Variants in PTPN4 observed in about 807,000 individuals in gnomAD.
PTPN4 encodes tyrosine-protein phosphatase non-receptor type 4.
PTPN4 carries 49 observed loss-of-function variants against 135.5 expected under a neutral mutation model. The observed-to-expected ratio is 0.36, with a 90% CI of 0.29 to 0.46. The LOEUF (loss-of-function observed/expected upper bound fraction) is 0.46, where lower values mean the gene tolerates loss of function less well. Among genes scored for constraint, PTPN4 ranks in the 20% least tolerant of loss-of-function variants. The pLI, the probability that PTPN4 is intolerant of heterozygous loss-of-function variation, is 1.00. For missense variants in PTPN4, 860 were observed against 1,101.0 expected (o/e 0.78, Z 3.10); for synonymous variants, 333 against 369.9 (o/e 0.90, Z 1.14).
chr2:119,920,647 T>G (rs1365249286), intron 12 of PTPN4, among the ~76,000 whole-genome samples: 1 of 152,240 alleles, frequency 6.6e-6, no homozygotes, highest in African/African-American at 2.4e-5. Context: ...AGCATATTTT[T>G]GGGTTGTCAA....
At chr2:119,960,314 A>G (rs1300318506) in intron 22 of PTPN4, among the ~76,000 whole-genome samples, 2 of 152,246 alleles carry the variant, frequency 1.3e-5, no homozygotes, top group African/African-American at 4.8e-5. Flanking sequence ...TGAATTTAAA[A>G]TATTCTGATA....
chr2:119,931,276 C>T (rs1220313033), intron 13 of PTPN4, among the ~76,000 whole-genome samples: 1 of 151,928 alleles, frequency 6.6e-6, no homozygotes, highest in African/African-American at 2.4e-5. Flanking sequence ...AAAGAAATAA[C>T]ATATATTTTC....
At chr2:119,902,332 C>A (rs1447806837) in intron 10 of PTPN4, among the ~76,000 whole-genome samples, 1 of 152,146 alleles carries the variant, frequency 6.6e-6, no homozygotes, top group Non-Finnish European at 1.5e-5. Context: ...GCAAAGTTAT[C>A]CTTCAGAAGT....
At position 119,868,906 on chromosome 2, in the gene PTPN4, T is replaced by A. The variant is rs140886365; in HGVS notation, c.246+6263T>A. ...TCACACCTCTATATTTCTGTGTGTG[T>A]GTCTTTAATTCCTCTAGCACCACTG... On this transcript the variant is annotated intron_variant, in intron 3 of 26. Transcript: ENST00000263708. Among the ~76,000 whole-genome samples, 809 of 152,302 alleles carry A rather than the reference T, an allele frequency of 5.3e-3. 5 individuals carry two copies. Among genetic ancestry groups the A allele is most frequent in the Admixed American group, 6.7e-3 (102 of 15,296 alleles).
chr2:119,845,577 A>G (rs536803628), intron 2 of PTPN4, among the ~76,000 whole-genome samples: 4 of 151,704 alleles, frequency 2.6e-5, no homozygotes, highest in African/African-American at 9.7e-5. Flanking sequence ...ACCTTCTTTT[A>G]TTCCTGGTTT....
intron 2 of PTPN4, among the ~76,000 whole-genome samples, chr2:119,840,735 A>C (rs1677367629): frequency 1.3e-5 from 2 of 152,160 alleles, no homozygotes; most frequent in Non-Finnish European, 2.9e-5. Flanking sequence ...CTTTTTCTCC[A>C]CAACCTCACC....
intron 1 of PTPN4, among the ~76,000 whole-genome samples, chr2:119,763,594 C>G (rs958171596): frequency 4.6e-5 from 7 of 152,168 alleles, no homozygotes; most frequent in Non-Finnish European, 7.4e-5. Context: ...AAAACTTATT[C>G]TTTAGATCGG....
At position 119,965,640 on chromosome 2, in the gene PTPN4, T is replaced by C. The variant is rs2105061720; in HGVS notation, c.2553T>C (p.His851=). Residue 851 remains histidine (H), a synonymous_variant, in exon 25 of 27, where the codon CAT becomes CAC. Coordinates refer to ENST00000263708, the MANE Select transcript of PTPN4 (RefSeq NM_002830.4). ...RAGKEEPVVV[H]CSAGIGRTGV... is the part of the protein sequence containing the mutation. ...GCAAGGAAGAACCCGTTGTTGTCCA[T>C]TGCAGGTACTCTGTTTTCCGTCTTT... The C allele has an allele frequency of 6.2e-7, 1 of 1,612,436 alleles. No individual in the cohort carries two copies. The highest frequency in any genetic ancestry group is 1.1e-5 in the South Asian group (1 of 90,680).
At chr2:119,932,381 T>C (rs1216843356) in intron 13 of PTPN4, 43 bp from the exon 14 acceptor site, 1 of 1,500,556 alleles carries the variant, frequency 6.7e-7, no homozygotes, top group East Asian at 2.5e-5. Flanking sequence ...GTTTGGGGTA[T>C]AAAAATAAAA....
chr2:119,823,782 C>T (rs992747048), intron 2 of PTPN4, among the ~76,000 whole-genome samples: 9 of 152,246 alleles, frequency 5.9e-5, no homozygotes, highest in East Asian at 1.9e-4. Flanking sequence ...TTATGAGTGC[C>T]GTTTTCTTCC....
intron 10 of PTPN4, among the ~76,000 whole-genome samples, chr2:119,913,847 G>A (rs1201903268): frequency 6.6e-6 from 1 of 151,736 alleles, no homozygotes; most frequent in Non-Finnish European, 1.5e-5. Flanking sequence ...GATAAACCAG[G>A]CATATAGAAG....
chr2:119,918,712 G>T (rs781524299), intron 11 of PTPN4, among the ~76,000 whole-genome samples: 3 of 152,194 alleles, frequency 2.0e-5, no homozygotes, highest in African/African-American at 7.2e-5. Context: ...ATCTACCAAA[G>T]CTGAGCATAT....
intron 6 of PTPN4, 62 bp from the exon 7 acceptor site, chr2:119,882,035 A>G: frequency 7.0e-7 from 1 of 1,424,942 alleles, no homozygotes. Flanking sequence ...TTAACAAATT[A>G]TAGCACTTTT....
At chr2:119,809,022 C>CT (rs1377545250) in intron 1 of PTPN4, among the ~76,000 whole-genome samples, 1 of 152,086 alleles carries the variant, frequency 6.6e-6, no homozygotes, top group African/African-American at 2.4e-5. Flanking sequence ...ACCTAATTGT[C>CT]TTTAAGACAG....
In PTPN4 at chr2:119,981,336, G is replaced by A. The variant is rs1445994721; in HGVS notation, c.*4266G>A. The A allele has an allele frequency of 6.6e-6, 1 of 152,058 alleles. No individual in the cohort carries two copies. Among genetic ancestry groups the A allele is most frequent in the Admixed American group, 6.6e-5 (1 of 15,250 alleles). 9.4% of individuals were successfully genotyped at this position (152,058 alleles called of 1,614,324 possible). ...ACAGTTAATACTTTGTATTAACATT[G>A]CTTACTTCCCCCATTTGCTTCACCT... On this transcript the variant is annotated 3_prime_UTR_variant, in exon 27 of 27. Transcript: ENST00000263708.
At chr2:119,802,214 C>T (rs2104943101) in intron 1 of PTPN4, among the ~76,000 whole-genome samples, 1 of 152,238 alleles carries the variant, frequency 6.6e-6, no homozygotes, top group Non-Finnish European at 1.5e-5. Context: ...TTTTTTTAAC[C>T]TCACAGCATA....
At chr2:119,836,563 G>A (rs1454621246) in intron 2 of PTPN4, among the ~76,000 whole-genome samples, 1 of 152,254 alleles carries the variant, frequency 6.6e-6, no homozygotes, top group Admixed American at 6.5e-5. Context: ...GAACAGGTGG[G>A]AGCCCTGCCC....
chr2:119,795,398 C>T (rs1691234970), intron 1 of PTPN4, among the ~76,000 whole-genome samples: 1 of 152,256 alleles, frequency 6.6e-6, no homozygotes, highest in Non-Finnish European at 1.5e-5. Context: ...GGGGCGCCTG[C>T]AGGCCAGTGC....
At chr2:119,888,247 G>A (rs1240991619) in intron 9 of PTPN4, among the ~76,000 whole-genome samples, 1 of 152,036 alleles carries the variant, frequency 6.6e-6, no homozygotes, top group Non-Finnish European at 1.5e-5. Flanking sequence ...CATTTTTGGT[G>A]GAGTCTTTAG....
Sources: allele counts gnomAD v4.1 joint callset (sites outside exome capture counted in the v4.1 genomes callset), GRCh38; gene constraint gnomAD v4.1.1; transcripts MANE v1.5; gene names NCBI Gene and HGNC (gene_info 2026-07-23, HGNC 2026-07-21).